CEP85L: variants seen among roughly 807,000 people sequenced by gnomAD.
The protein encoded by CEP85L is centrosomal protein 85L, also known as centrosomal protein of 85 kDa-like.
Under a neutral mutation model 100.3 loss-of-function variants are expected in CEP85L, and 60 were observed. That is an observed-to-expected ratio of 0.60 (90% CI 0.49 to 0.74). The LOEUF (loss-of-function observed/expected upper bound fraction) is 0.74. Ranked by LOEUF, CEP85L falls within the 30% of genes least tolerant of loss-of-function variation. The pLI is 0.00. For synonymous variants in CEP85L, 319 were observed against 322.7 expected (o/e 0.99, Z 0.12); for missense variants, 973 against 936.2 (o/e 1.04, Z -0.51).
intron 2 of CEP85L, among the ~76,000 whole-genome samples, chr6:118,568,596 T>A (rs142688686): frequency 6.6e-6 from 1 of 152,196 alleles, no homozygotes. Flanking sequence ...TCATTCAGCA[T>A]GAAATGTGGT....
intron 3 of CEP85L, among the ~76,000 whole-genome samples, chr6:118,551,529 A>G (rs1255033738): frequency 1.3e-5 from 2 of 151,978 alleles, no homozygotes; most frequent in African/African-American, 2.4e-5. Context: ...TTGTTTCAAT[A>G]TTTAAAAAAC....
At chr6:118,472,409 A>AGGCTTT (rs995002106) in intron 10 of CEP85L, among the ~76,000 whole-genome samples, 3 of 152,164 alleles carry the variant, frequency 2.0e-5, no homozygotes, top group Non-Finnish European at 2.9e-5. Flanking sequence ...CATTGCAGAT[A>AGGCTTT]GGCTTATCCT....
At chr6:118,689,715 G>A (rs1439752793) in intron 1 of CEP85L, among the ~76,000 whole-genome samples, 1 of 152,084 alleles carries the variant, frequency 6.6e-6, no homozygotes. Flanking sequence ...ATTTTGTTTT[G>A]GTTTGAAGCC....
chr6:118,598,452 G>A (rs1390200998), intron 2 of CEP85L, among the ~76,000 whole-genome samples: 1 of 152,130 alleles, frequency 6.6e-6, no homozygotes, highest in Non-Finnish European at 1.5e-5. Context: ...GGTAAAATGA[G>A]GTCATGCTGG....
At chr6:118,503,968 C>G (rs933867710) in intron 5 of CEP85L, among the ~76,000 whole-genome samples, 1 of 151,940 alleles carries the variant, frequency 6.6e-6, no homozygotes, top group Non-Finnish European at 1.5e-5. Context: ...TTTTTCCCTC[C>G]AAAAAACAAT....
Position 118,483,714 on chromosome 6 carries a change from T to G in CEP85L, c.1582A>C (p.Ser528Arg). The part of the protein sequence containing the change: ...LPTLDDVQSQ[S>R]LQLQILEEKN... ...ATTTTATTTCATGTTACCTGTAGAC[T>G]CTGACTCTGTACATCATCTAGAGTT... Residue 528 changes from serine (S) to arginine (R), a missense_variant, in exon 7 of 13, where the codon AGT (serine) becomes CGT (arginine). Coordinates refer to ENST00000368491, the MANE Select transcript of CEP85L (RefSeq NM_001042475.3). 1 of 1,612,550 alleles carries G rather than the reference T, an allele frequency of 6.2e-7. No individual in the cohort carries two copies. The highest frequency in any genetic ancestry group is 8.5e-7 in the Non-Finnish European group (1 of 1,179,504).
At chr6:118,602,050 C>T (rs1039732558) in intron 2 of CEP85L, among the ~76,000 whole-genome samples, 1 of 152,062 alleles carries the variant, frequency 6.6e-6, no homozygotes, top group South Asian at 2.1e-4. Flanking sequence ...TCTAACATTT[C>T]CCCCCTCCCT....
At chr6:118,515,613 T>C (rs940736575) in intron 4 of CEP85L, among the ~76,000 whole-genome samples, 4 of 152,102 alleles carry the variant, frequency 2.6e-5, no homozygotes, top group African/African-American at 4.8e-5. Flanking sequence ...CCTGAAGTAT[T>C]TGGAAACAAT....
intron 2 of CEP85L, among the ~76,000 whole-genome samples, chr6:118,594,813 G>A (rs1444170254): frequency 7.0e-6 from 1 of 142,124 alleles, no homozygotes; most frequent in African/African-American, 2.7e-5. Flanking sequence ...CCGAGATCCC[G>A]CCACTACACT....
At chr6:118,541,980 C>T (rs1457197801) in intron 3 of CEP85L, among the ~76,000 whole-genome samples, 1 of 152,076 alleles carries the variant, frequency 6.6e-6, no homozygotes, top group African/African-American at 2.4e-5. Context: ...CAAGCCTGAT[C>T]AGCCTTACAT....
At chr6:118,580,349 A>T (rs1443162482) in intron 2 of CEP85L, among the ~76,000 whole-genome samples, 2 of 152,224 alleles carry the variant, frequency 1.3e-5, no homozygotes, top group East Asian at 3.8e-4. Flanking sequence ...ACTGGCCGGG[A>T]ATCCGAGGTA....
At position 118,462,845 on chromosome 6, in the gene CEP85L, A is replaced by G. The variant is rs991438580; in HGVS notation, c.*2560T>C. ...GAAAATTTTCTGAAAAATAAAAATC[A>G]AAAAGTAAATACTGACAAACTAGAT... On this transcript the variant is annotated 3_prime_UTR_variant, in exon 13 of 13. Coordinates refer to ENST00000368491, the MANE Select transcript of CEP85L (RefSeq NM_001042475.3). The G allele has an allele frequency of 7.9e-5, 12 of 151,962 alleles. No individual in the cohort carries two copies. Among genetic ancestry groups the G allele is most frequent in the African/African-American group, 2.9e-4 (12 of 41,424 alleles). 9.4% of individuals were successfully genotyped at this position (151,962 alleles called of 1,614,324 possible).
intron 5 of CEP85L, chr6:118,501,385 C>G: frequency 2.8e-6 from 1 of 360,032 alleles, no homozygotes; most frequent in Non-Finnish European, 5.3e-6. Flanking sequence ...GGCACAAGGC[C>G]CCTCTTGAGA....
At chr6:118,538,095 G>T in intron 3 of CEP85L, 2 of 281,594 alleles carry the variant, frequency 7.1e-6, no homozygotes, top group Non-Finnish European at 1.1e-5. Flanking sequence ...TAAAATCTAC[G>T]TCTTAACTAA....
At chr6:118,602,063 T>C (rs1223953746) in intron 2 of CEP85L, among the ~76,000 whole-genome samples, 1 of 152,110 alleles carries the variant, frequency 6.6e-6, no homozygotes, top group African/African-American at 2.4e-5. Flanking sequence ...CCCTCCCTTT[T>C]ATAAGAGAAC....
rs1042933595 is a variant in CEP85L, at chr6:118,461,012, T to C, written c.*4393A>G. On this transcript the variant is annotated 3_prime_UTR_variant, in exon 13 of 13. Transcript: ENST00000368491. ...AGAAGGCATAAGCCAACCAGTGGCT[T>C]CACATTCTTTTTTTTTTTTTTTAAA... is the stretch of plus-strand genomic sequence containing the variant. 5.9e-5 allele frequency: 9 copies of C among 151,402 alleles called. No individual in the cohort carries two copies. The highest frequency in any genetic ancestry group is 1.2e-4 in the Non-Finnish European group (8 of 67,858). The allele number at this position is 151,402 out of a possible 1,614,324, so 9.4% of individuals were successfully genotyped here. A position where few individuals can be genotyped will look rare whatever the true frequency, so the allele number is the denominator to read the frequency against.
rs1778130121 is a variant in CEP85L, at chr6:118,545,281, G to C, written c.1020+20248C>G. On this transcript the variant is annotated intron_variant, in intron 3 of 12. Coordinates refer to ENST00000368491, the MANE Select transcript of CEP85L (RefSeq NM_001042475.3). The stretch of plus-strand genomic sequence containing the variant: ...GTAAAAGATTACTACATACATCACA[G>C]TGCCCTTCACAAAACGTTAGTAATA... 2.0e-5 allele frequency among the ~76,000 whole-genome samples: 3 copies of C among 152,136 alleles called. No homozygotes were observed. In the South Asian group the frequency reaches 6.2e-4, roughly 32 times the overall value.
At chr6:118,696,778 A>G (rs1244313098) in intron 1 of CEP85L, among the ~76,000 whole-genome samples, 1 of 152,208 alleles carries the variant, frequency 6.6e-6, no homozygotes, top group Admixed American at 6.5e-5. Flanking sequence ...AGAATTTATT[A>G]CTTCACATGT....
At chr6:118,530,205 A>AC (rs1321858985) in intron 3 of CEP85L, among the ~76,000 whole-genome samples, 1 of 152,180 alleles carries the variant, frequency 6.6e-6, no homozygotes, top group Admixed American at 6.5e-5. Context: ...CAACTTTAGC[A>AC]CACCTCTAAG....
Sources: allele counts gnomAD v4.1 joint callset (sites outside exome capture counted in the v4.1 genomes callset), GRCh38; gene constraint gnomAD v4.1.1; transcripts MANE v1.5; gene names NCBI Gene and HGNC (gene_info 2026-07-23, HGNC 2026-07-21).